The following GATM variants were observed in gnomAD, a reference collection of about 807,000 sequenced individuals.
GATM encodes glycine amidinotransferase, mitochondrial.
In GATM, 23 loss-of-function variants were observed where a neutral mutation model predicts 54.2. The ratio of observed to expected loss-of-function variants is 0.42; its 90% CI spans 0.31 to 0.60. GATM has a LOEUF of 0.60. Among genes scored for constraint, GATM ranks in the 20% least tolerant of loss-of-function variants. The pLI, the probability that GATM is intolerant of heterozygous loss-of-function variation, is 0.14. For missense variants in GATM, 401 were observed against 544.9 expected (o/e 0.74, Z 2.63); for synonymous variants, 168 against 183.1 (o/e 0.92, Z 0.67).
At chr15:45,378,653 G>A (rs7164139), upstream of GATM, 141,140 of 434,540 alleles carry the variant, frequency 0.32, 27,516 homozygotes, top group East Asian at 0.85. Flanking sequence ...GTAGCGCCCC[G>A]AATTAGGAAC....
intron 7 of GATM, chr15:45,364,584 T>C (rs1402461960): frequency 9.0e-6 from 5 of 556,344 alleles, no homozygotes; most frequent in Non-Finnish European, 1.6e-5. Context: ...TGTTTTATTC[T>C]GTCTTCTCCT....
At chr15:45,398,497 TCTAAC>T (rs1889959776) in intron 2 of GATM, among the ~76,000 whole-genome samples, 1 of 152,120 alleles carries the variant, frequency 6.6e-6, no homozygotes, top group Non-Finnish European at 1.5e-5. Context: ...AAAGACTAAT[TCTAAC>T]CTGGATACAA....
upstream of GATM, among the ~76,000 whole-genome samples, chr15:45,383,084 CA>C (rs1475707186): frequency 1.3e-5 from 2 of 152,184 alleles, no homozygotes; most frequent in Admixed American, 1.3e-4. Context: ...ATCCCTAGCA[CA>C]GTGCCTGACA....
intron 3 of GATM, among the ~76,000 whole-genome samples, chr15:45,387,763 AT>A (rs1889819715): frequency 1.3e-5 from 2 of 152,214 alleles, no homozygotes; most frequent in African/African-American, 4.8e-5. Context: ...TATTTACAGA[AT>A]TTTAAAACTA....
At chr15:45,390,173 C>T (rs1438997627) in intron 3 of GATM, among the ~76,000 whole-genome samples, 1 of 152,138 alleles carries the variant, frequency 6.6e-6, no homozygotes, top group Non-Finnish European at 1.5e-5. Flanking sequence ...TTTCTAACAA[C>T]CTCCCACGTG....
In GATM at chr15:45,373,013, CA is replaced by C. The variant is rs560103185; in HGVS notation, c.289-3493del. Among the ~76,000 whole-genome samples the C allele has an allele frequency of 2.1e-4, 32 of 152,332 alleles. No individual in the cohort carries two copies. The South Asian group carries it at 6.4e-3, about 31-fold the overall frequency. ...CATTCCTTGAACCTTTATATTCTTT[CA>C]AAGCCTAAAACCCTTTACAAAGGTT... On this transcript the variant is annotated intron_variant, in intron 2 of 8. Transcript: ENST00000396659.
rs1453906551 is a variant in GATM, at chr15:45,362,062, G to GCTT, written c.*44_*46dup. On this transcript the variant is annotated 3_prime_UTR_variant, in exon 9 of 9. Coordinates refer to ENST00000396659, the MANE Select transcript of GATM (RefSeq NM_001482.3). ...GCAGGAGAATGAACCTTGCCCCTAA[G>GCTT]CTTCTTAGGTGTATCTGAGGCCAGC... is the stretch of plus-strand genomic sequence containing the variant. The GCTT allele has an allele frequency of 1.8e-6, 2 of 1,134,138 alleles. No individual in the cohort carries two copies. The highest frequency in any genetic ancestry group is 2.7e-6 in the Non-Finnish European group (2 of 744,282). The allele number at this position is 1,134,138 out of a possible 1,614,324, so 70.3% of individuals were successfully genotyped here. A position where few individuals can be genotyped will look rare whatever the true frequency, so the allele number is the denominator to read the frequency against.
At chr15:45,366,006 A>G in intron 6 of GATM, 40 bp downstream of exon 6, 1 of 1,601,814 alleles carries the variant, frequency 6.2e-7, no homozygotes, top group South Asian at 1.1e-5. Context: ...TTTAGTTACT[A>G]GATTCTGTTG....
chr15:45,393,490 C>T (rs1889893281), intron 3 of GATM, among the ~76,000 whole-genome samples: 1 of 152,092 alleles, frequency 6.6e-6, no homozygotes, highest in Admixed American at 6.5e-5. Flanking sequence ...TAAACACTTA[C>T]AACTGTACCT....
In GATM at chr15:45,366,091, A is replaced by T; in HGVS notation, c.933T>A (p.Ile311=). The T allele has an allele frequency of 6.2e-7, 1 of 1,614,186 alleles. No individual in the cohort carries two copies. The highest frequency in any genetic ancestry group is 1.6e-4 in the Middle Eastern group (1 of 6,062). ...PMHIDATFNI[I]GPGIVLSNPD... ...GGTTGGAAAGCACAATACCAGGTCC[A>T]ATGATGTTGAAGGTAGCATCAATAT... The change falls in exon 6 of 9, where the codon ATT becomes ATA. Residue 311 remains isoleucine, a synonymous_variant. Coordinates refer to ENST00000396659, the MANE Select transcript of GATM (RefSeq NM_001482.3).
At chr15:45,363,189 T>C (rs1889394863) in intron 8 of GATM, among the ~76,000 whole-genome samples, 1 of 152,114 alleles carries the variant, frequency 6.6e-6, no homozygotes, top group Admixed American at 6.5e-5. Flanking sequence ...GGAGAATCGC[T>C]TGAACCCAGA....
intron 3 of GATM, among the ~76,000 whole-genome samples, chr15:45,389,194 C>T (rs1176074084): frequency 6.6e-6 from 1 of 152,194 alleles, no homozygotes; most frequent in African/African-American, 2.4e-5. Flanking sequence ...AAACTTCTCC[C>T]ATTTGTATGG....
chr15:45,362,291 A>G, intron 8 of GATM, 70 bp from the exon 9 acceptor site: 1 of 944,072 alleles, frequency 1.1e-6, no homozygotes, highest in South Asian at 1.3e-5. Context: ...AAGTAGGCCT[A>G]CAGACTTGGA....
At chr15:45,394,571 C>A (rs1889906648) in intron 3 of GATM, among the ~76,000 whole-genome samples, 1 of 152,152 alleles carries the variant, frequency 6.6e-6, no homozygotes, top group Non-Finnish European at 1.5e-5. Context: ...CCAAAGGCAC[C>A]AGGCGGGTCA....
chr15:45,379,507 C>G (rs1381925697), upstream of GATM: 1 of 152,130 alleles, frequency 6.6e-6, no homozygotes, highest in Non-Finnish European at 1.5e-5. Context: ...TGGAAAGAGC[C>G]TCCGAGAGGG....
chr15:45,361,972 C>G lies in GATM; in HGVS notation c.*137G>C, dbSNP rs1439284429. 5 of 679,860 alleles carry G rather than the reference C, an allele frequency of 7.4e-6. No homozygotes were observed. The highest frequency in any genetic ancestry group is 1.1e-5 in the Non-Finnish European group (4 of 372,254). The allele number at this position is 679,860 out of a possible 1,614,324, so 42.1% of individuals were successfully genotyped here. A position where few individuals can be genotyped will look rare whatever the true frequency, so the allele number is the denominator to read the frequency against. On this transcript the variant is annotated 3_prime_UTR_variant, in exon 9 of 9. Coordinates refer to ENST00000396659, the MANE Select transcript of GATM (RefSeq NM_001482.3). ...GTCAAAGAAAAGTAATAGAAGCAAA[C>G]CAGGCTTACGACCCCTGTTAAGGAG...
upstream of GATM, among the ~76,000 whole-genome samples, chr15:45,382,011 C>T (rs997408146): frequency 6.6e-6 from 1 of 152,120 alleles, no homozygotes; most frequent in Non-Finnish European, 1.5e-5. Context: ...CCTTTGAACA[C>T]GTGAGTGAAT....
Position 45,362,232 on chromosome 15 carries a change from A to G in GATM, c.1160-11T>C. On this transcript the variant is annotated splice_polypyrimidine_tract_variant and intron_variant, in intron 8 of 8. Transcript: ENST00000396659. ...TAATGGTAGTGATACCTGCATTGAA[A>G]GAGAGATGAGGTCAGTTAGATGGAC... 6.7e-7 allele frequency: 1 copy of G among 1,494,282 alleles called. No homozygotes were observed. The highest frequency in any genetic ancestry group is 9.3e-7 in the Non-Finnish European group (1 of 1,070,956). 92.6% of individuals were successfully genotyped at this position (1,494,282 alleles called of 1,614,324 possible). A position where few individuals can be genotyped will look rare whatever the true frequency, so the allele number is the denominator to read the frequency against.
intron 2 of GATM, among the ~76,000 whole-genome samples, chr15:45,398,094 T>C (rs1889954645): frequency 6.6e-6 from 1 of 152,208 alleles, no homozygotes; most frequent in East Asian, 1.9e-4. Context: ...ATCAGATTTA[T>C]TCACTTGTTT....
Sources: allele counts gnomAD v4.1 joint callset (sites outside exome capture counted in the v4.1 genomes callset), GRCh38; gene constraint gnomAD v4.1.1; transcripts MANE v1.5; gene names NCBI Gene and HGNC (gene_info 2026-07-23, HGNC 2026-07-21).